The following CELSR1 variants were observed in gnomAD, a reference collection of about 807,000 sequenced individuals.
CELSR1 encodes the protein cadherin EGF LAG seven-pass G-type receptor 1.
Under a neutral mutation model 249.1 loss-of-function variants are expected in CELSR1, and 110 were observed. The observed-to-expected ratio is 0.44, with a 90% CI of 0.38 to 0.52. The LOEUF (loss-of-function observed/expected upper bound fraction) is 0.52. Ranked by LOEUF, CELSR1 falls within the 20% of genes least tolerant of loss-of-function variation. CELSR1 has a pLI of 0.00. For synonymous variants in CELSR1, 2,113 were observed against 1,900.0 expected, an observed-to-expected ratio of 1.11 and a Z score of -2.92; for missense variants, 4,109 against 4,296.4, an observed-to-expected ratio of 0.96 and a Z score of 1.22.
At chr22:46,513,313 G>C (rs2080592528) in intron 1 of CELSR1, among the ~76,000 whole-genome samples, 1 of 152,160 alleles carries the variant, frequency 6.6e-6, no homozygotes, top group Non-Finnish European at 1.5e-5. Context: ...AACATGGCCT[G>C]TAAGTGTGCA....
At chr22:46,365,460 G>T in intron 31 of CELSR1, 80 bp from the exon 32 acceptor site, 1 of 1,576,484 alleles carries the variant, frequency 6.3e-7, no homozygotes. Context: ...GAGCCACTGG[G>T]CCCCTGGCAT....
chr22:46,371,843 C>T (rs1384312324), intron 25 of CELSR1, among the ~76,000 whole-genome samples: 1 of 148,910 alleles, frequency 6.7e-6, no homozygotes, highest in Non-Finnish European at 1.5e-5. Flanking sequence ...CATCCATCCA[C>T]CTATTCATCC....
Position 46,384,597 on chromosome 22 carries a change from G to A in CELSR1, c.6829C>T (p.Leu2277=), listed in dbSNP as rs140685742. 2 of 1,613,650 alleles carry A rather than the reference G, an allele frequency of 1.2e-6. No individual in the cohort carries two copies. The highest frequency in any genetic ancestry group is 2.7e-5 in the African/African-American group (2 of 74,920). Residue 2277 remains leucine, a synonymous_variant, in exon 20 of 35, where the codon CTG becomes TTG. Transcript: ENST00000674500. ...DTIHEEFPRE[L]ESSVSFPADF... is the part of the protein sequence containing the mutation. ...GCTGGGAAGGAGACGGAGGACTCCAGCTCCCTGGGGAACTCTTCATGGATG... is the reference window on the plus strand; with the variant it reads ...GCTGGGAAGGAGACGGAGGACTCCAACTCCCTGGGGAACTCTTCATGGATG...
chr22:46,403,238 A>C (rs893101898), intron 9 of CELSR1, among the ~76,000 whole-genome samples: 1 of 152,120 alleles, frequency 6.6e-6, no homozygotes, highest in African/African-American at 2.4e-5. Flanking sequence ...TGAGGAGACA[A>C]AGACAAAAAA....
At chr22:46,415,287 C>T (rs1032211710) in intron 5 of CELSR1, among the ~76,000 whole-genome samples, 1 of 152,188 alleles carries the variant, frequency 6.6e-6, no homozygotes, top group East Asian at 1.9e-4. Context: ...GTAGCTGGGA[C>T]TACAGGTGCC....
rs1306466887 is a variant in CELSR1 at position 46,447,661 on chromosome 22, C to T, written c.4184-8250G>A. 7.2e-5 allele frequency among the ~76,000 whole-genome samples: 11 copies of T among 152,188 alleles called. No homozygotes were observed. Among genetic ancestry groups the T allele is most frequent in the Non-Finnish European group, 1.5e-4 (10 of 68,020 alleles). The stretch of plus-strand genomic sequence containing the variant: ...GCTTTTTAAGAGAGTCTTACTCTGT[C>T]GCCCAGGCTGGAGTGCAATGGTGCG... On this transcript the variant is annotated intron_variant, in intron 2 of 34. Coordinates refer to ENST00000674500, the MANE Select transcript of CELSR1 (RefSeq NM_001378328.1). This position sits in a 1 kb window ranked among gnomAD's most constrained non-coding sequence, Gnocchi z 4.7.
At chr22:46,432,082 T>C (rs1231340285) in intron 5 of CELSR1, among the ~76,000 whole-genome samples, 1 of 152,198 alleles carries the variant, frequency 6.6e-6, no homozygotes, top group African/African-American at 2.4e-5. Flanking sequence ...CCACCTGCCC[T>C]GGGTTGGCAC....
rs2080642405 is a variant in CELSR1, at chr22:46,517,680, T to C, written c.3544+15947A>G. Among the ~76,000 whole-genome samples, 1 of 152,158 alleles carries C rather than the reference T, an allele frequency of 6.6e-6. No homozygotes were observed. The highest frequency in any genetic ancestry group is 1.5e-5 in the Non-Finnish European group (1 of 68,028). ...AGTCTCACAGAACAATAAACCTTCA[T>C]ATTTTCCATTCTCTCCTCTTTGAAG... On this transcript the variant is annotated intron_variant, in intron 1 of 34. Transcript: ENST00000674500. The surrounding 1 kb of genome is among the most constrained non-coding windows in gnomAD (Gnocchi z 5.4).
rs776281804 is a variant in CELSR1 at position 46,534,650 on chromosome 22, T to C, written c.2521A>G (p.Ser841Gly). 1.2e-6 allele frequency: 2 copies of C among 1,613,912 alleles called. No individual in the cohort carries two copies. Among genetic ancestry groups the C allele is most frequent in the East Asian group, 2.2e-5 (1 of 44,882 alleles). The change falls in exon 1 of 35, where the codon AGT (serine) becomes GGT (glycine). Residue 841 changes from serine to glycine, a missense_variant. Coordinates refer to ENST00000674500, the MANE Select transcript of CELSR1 (RefSeq NM_001378328.1). This position sits in a 1 kb window ranked among gnomAD's most constrained non-coding sequence, Gnocchi z 9.7. ...TCCATCATGGTGTACATGGTGCCACTGTCGGGGTCAATGCGGAACTGCGGC... is the reference window on the plus strand; with the variant it reads ...TCCATCATGGTGTACATGGTGCCACCGTCGGGGTCAATGCGGAACTGCGGC... The part of the protein sequence containing the change: ...PVPQFRIDPD[S>G]GTMYTMMELD...
chr22:46,463,240 A>G (rs3788698), intron 2 of CELSR1, among the ~76,000 whole-genome samples: 91,415 of 152,206 alleles, frequency 0.6, 27,681 homozygotes, highest in East Asian at 0.8. Flanking sequence ...TGCTGGCCGG[A>G]CACGGTGGCT....
At chr22:46,432,514 C>T (rs1037012900) in intron 5 of CELSR1, among the ~76,000 whole-genome samples, 1 of 152,222 alleles carries the variant, frequency 6.6e-6, no homozygotes, top group African/African-American at 2.4e-5. Flanking sequence ...CACGAGCAAG[C>T]GGGGGCACAC....
At chr22:46,531,650 C>T (rs1346707705) in intron 1 of CELSR1, among the ~76,000 whole-genome samples, 2 of 152,212 alleles carry the variant, frequency 1.3e-5, no homozygotes, top group African/African-American at 2.4e-5. Flanking sequence ...GAGTGCCCCC[C>T]ACTGGCTGTG....
At position 46,364,135 on chromosome 22, in the gene CELSR1, TGC is replaced by T; in HGVS notation, c.8894_8895del (p.Arg2965HisfsTer25). 1 of 1,607,554 alleles carries T rather than the reference TGC, an allele frequency of 6.2e-7. No individual in the cohort carries two copies. ...ADCEQSPTSS[R>X]TSSLGSGGPD... The stretch of plus-strand genomic sequence containing the variant: ...GGGCCGCCAGAGCCCAGGGAAGACG[TGC>T]GCGAGGATGTGGGGCTCTGCTCACA... On this transcript the variant is annotated frameshift_variant, in exon 34 of 35. Transcript: ENST00000674500. LOFTEE classifies it high-confidence loss of function.
rs533089234 is a variant in CELSR1, at chr22:46,503,054, C to A, written c.3544+30573G>T. Among the ~76,000 whole-genome samples the A allele has an allele frequency of 6.6e-5, 10 of 152,310 alleles. No individual in the cohort carries two copies. The East Asian group carries it at 1.5e-3, about 24-fold the overall frequency. ...ACAGCCCCCCTTCTCCGTGCCCACC[C>A]TCTGCAGCAGCTTTGTCCCTTAACA... On this transcript the variant is annotated intron_variant, in intron 1 of 34. Coordinates refer to ENST00000674500, the MANE Select transcript of CELSR1 (RefSeq NM_001378328.1).
rs6008842 is a variant in CELSR1 at position 46,464,166 on chromosome 22, C to T, written c.3724G>A (p.Val1242Ile). The T allele has an allele frequency of 0.014, 21,804 of 1,613,752 alleles. 837 individuals carry two copies. The African/African-American group carries it at 0.14, about 11-fold the overall frequency. The stretch of plus-strand genomic sequence containing the variant: ...TCGTTCTGGACGTTGAAGACGAAGA[C>T]GTCGTCCTTGGTGGTGGACAGCACG... Reference protein sequence around the residue: ...AAVLSTTKDDVFVFNVQNDTD... With the variant: ...AAVLSTTKDDIFVFNVQNDTD... Residue 1242 changes from valine to isoleucine, a missense_variant, in exon 2 of 35, where the codon GTC becomes ATC. Physicochemically the swap from Val to Ile is conservative, Grantham distance 29. This residue lies in a region of CELSR1 where 141 missense variants were observed against 209.4 expected (regional missense o/e 0.67). Coordinates refer to ENST00000674500, the MANE Select transcript of CELSR1 (RefSeq NM_001378328.1). The surrounding 1 kb of genome is among the most constrained non-coding windows in gnomAD (Gnocchi z 8.5).
chr22:46,503,585 G>A (rs1029087005), intron 1 of CELSR1, among the ~76,000 whole-genome samples: 3 of 152,226 alleles, frequency 2.0e-5, no homozygotes, highest in Non-Finnish European at 4.4e-5. Flanking sequence ...TTCTTGATCC[G>A]CCCGTTCCTT....
rs9626871 is a variant in CELSR1 at position 46,437,049 on chromosome 22, T to C, written c.4407-760A>G. 1.1e-3 allele frequency among the ~76,000 whole-genome samples: 168 copies of C among 152,336 alleles called. No homozygotes were observed. Among genetic ancestry groups the C allele is most frequent in the African/African-American group, 4.0e-3 (166 of 41,586 alleles). ...TGCATTCCAGAACCCAAAGAAGATC[T>C]GGTCCATATCAGTGCTTAATATGGG... On this transcript the variant is annotated intron_variant, in intron 3 of 34. Transcript: ENST00000674500. This position sits in a 1 kb window ranked among gnomAD's most constrained non-coding sequence, Gnocchi z 4.9.
rs1429448921 is a variant in CELSR1 at position 46,484,969 on chromosome 22, T to C, written c.3545-20624A>G. Among the ~76,000 whole-genome samples, 3 of 151,944 alleles carry C rather than the reference T, an allele frequency of 2.0e-5. No homozygotes were observed. The highest frequency in any genetic ancestry group is 7.2e-5 in the African/African-American group (3 of 41,384). ...GAGATTTCGTTTTTCTAGTTAAATATTTGCTGAGAAAATTCCAGTCCTAAA... is the reference window on the plus strand; with the variant it reads ...GAGATTTCGTTTTTCTAGTTAAATACTTGCTGAGAAAATTCCAGTCCTAAA... On this transcript the variant is annotated intron_variant, in intron 1 of 34. Coordinates refer to ENST00000674500, the MANE Select transcript of CELSR1 (RefSeq NM_001378328.1). This position sits in a 1 kb window ranked among gnomAD's most constrained non-coding sequence, Gnocchi z 4.5.
intron 5 of CELSR1, among the ~76,000 whole-genome samples, chr22:46,418,914 T>C (rs1569149553): frequency 2.0e-5 from 3 of 152,170 alleles, no homozygotes; most frequent in African/African-American, 7.2e-5. Flanking sequence ...ATACAGTACA[T>C]TTGGAAACAC....
Sources: allele counts gnomAD v4.1 joint callset (sites outside exome capture counted in the v4.1 genomes callset), GRCh38; gene constraint gnomAD v4.1.1; regional missense constraint gnomAD v4.1.1; non-coding constraint Gnocchi (gnomAD v3.1); transcripts MANE v1.5; gene names NCBI Gene and HGNC (gene_info 2026-07-23, HGNC 2026-07-21).